KCNJ1: variants seen among roughly 807,000 people sequenced by gnomAD.
The protein encoded by KCNJ1 is potassium inwardly rectifying channel subfamily J member 1.
A neutral mutation model predicts 21.9 loss-of-function variants in KCNJ1; 24 were observed. The ratio of observed to expected loss-of-function variants is 1.10; its 90% confidence interval spans 0.79 to 1.54. The LOEUF is 1.54. Among genes scored for constraint, KCNJ1 ranks in the 40% most tolerant of loss-of-function variants. The probability of loss-of-function intolerance (pLI) is 0.00; values close to 1 mark genes in which losing one functional copy is unlikely to be tolerated. For missense variants in KCNJ1, 457 were observed against 455.4 expected, an observed-to-expected ratio of 1.00 and a Z score of -0.03; for synonymous variants, 152 against 160.9, an observed-to-expected ratio of 0.94 and a Z score of 0.42.
intron 1 of KCNJ1, among the ~76,000 whole-genome samples, chr11:128,859,424 T>C (rs957819228): frequency 6.6e-6 from 1 of 152,014 alleles, no homozygotes; most frequent in African/African-American, 2.4e-5. Context: ...GGCTAGTGTA[T>C]TGATTGTAGA....
chr11:128,843,325 C>G (rs749252090), intron 2 of KCNJ1, among the ~76,000 whole-genome samples: 32 of 152,128 alleles, frequency 2.1e-4, no homozygotes, highest in Non-Finnish European at 2.6e-4. Context: ...ATAATATGCT[C>G]AGTTTTTAGG....
At chr11:128,849,625 G>A (rs743619) in intron 2 of KCNJ1, among the ~76,000 whole-genome samples, 24,961 of 152,170 alleles carry the variant, frequency 0.16, 2,328 homozygotes, top group East Asian at 0.37. Context: ...GCAGAGCCAG[G>A]CAGAGTTTAG....
At chr11:128,842,464 C>T in intron 2 of KCNJ1, 1 of 1,613,296 alleles carries the variant, frequency 6.2e-7, no homozygotes, top group Admixed American at 1.7e-5. Flanking sequence ...TCTTTCTATG[C>T]AGACTGATTT....
intron 1 of KCNJ1, chr11:128,866,461 C>A: frequency 1.8e-6 from 1 of 568,836 alleles, no homozygotes; most frequent in Non-Finnish European, 2.2e-6. Context: ...AAGACCAACT[C>A]CTTTTAAGCG....
chr11:128,856,868 G>T (rs566571989), intron 1 of KCNJ1, among the ~76,000 whole-genome samples: 1 of 151,944 alleles, frequency 6.6e-6, no homozygotes, highest in Non-Finnish European at 1.5e-5. Flanking sequence ...TACAAAACTC[G>T]CCTGCTCCTT....
chr11:128,853,115 T>C (rs1431048048), intron 1 of KCNJ1, among the ~76,000 whole-genome samples: 1 of 152,246 alleles, frequency 6.6e-6, no homozygotes, highest in African/African-American at 2.4e-5. Context: ...TTCCTTAACC[T>C]CTCTGAGCTG....
chr11:128,848,870 C>T (rs1943430776), intron 2 of KCNJ1, among the ~76,000 whole-genome samples: 1 of 152,162 alleles, frequency 6.6e-6, no homozygotes, highest in African/African-American at 2.4e-5. Flanking sequence ...AAGTGCAAGG[C>T]ACAGATGAAT....
intron 1 of KCNJ1, among the ~76,000 whole-genome samples, chr11:128,856,315 C>G (rs1012516149): frequency 1.4e-4 from 21 of 152,216 alleles, no homozygotes; most frequent in African/African-American, 4.8e-4. Flanking sequence ...GTTAGCACGA[C>G]CAGCCTTCCA....
chr11:128,842,537 A>C (rs1591407407), intron 2 of KCNJ1: 1 of 1,557,398 alleles, frequency 6.4e-7, no homozygotes, highest in East Asian at 2.3e-5. Flanking sequence ...ATTTGTGTAA[A>C]CTTGGAAACA....
At chr11:128,857,406 C>G (rs189510186) in intron 1 of KCNJ1, among the ~76,000 whole-genome samples, 79 of 152,306 alleles carry the variant, frequency 5.2e-4, no homozygotes, top group Non-Finnish European at 8.5e-4. Flanking sequence ...AACACACCCT[C>G]CAGGACAGCA....
intron 2 of KCNJ1, among the ~76,000 whole-genome samples, chr11:128,849,347 G>T (rs749695438): frequency 6.6e-6 from 1 of 152,222 alleles, no homozygotes; most frequent in Non-Finnish European, 1.5e-5. Context: ...CTTACTCTGC[G>T]CCAGGAATGG....
At chr11:128,849,674 G>A (rs2135949440) in intron 2 of KCNJ1, among the ~76,000 whole-genome samples, 1 of 152,360 alleles carries the variant, frequency 6.6e-6, no homozygotes, top group Non-Finnish European at 1.5e-5. Context: ...AAGCAGCCAT[G>A]AGAGCAGCTG....
intron 2 of KCNJ1, among the ~76,000 whole-genome samples, chr11:128,848,431 ATCC>A (rs909640247): frequency 2.6e-5 from 4 of 151,918 alleles, no homozygotes; most frequent in Non-Finnish European, 5.9e-5. Flanking sequence ...GCCTCAAGCA[ATCC>A]TCCTCCCTCA....
intron 1 of KCNJ1, among the ~76,000 whole-genome samples, chr11:128,856,174 G>A (rs1482721502): frequency 3.3e-5 from 5 of 152,142 alleles, no homozygotes; most frequent in African/African-American, 9.7e-5. Flanking sequence ...CTGTTTATCC[G>A]GCTGCTAGGG....
At chr11:128,863,709 T>C (rs1197137744) in intron 1 of KCNJ1, among the ~76,000 whole-genome samples, 1 of 152,196 alleles carries the variant, frequency 6.6e-6, no homozygotes, top group Non-Finnish European at 1.5e-5. Context: ...GGTTTTATAT[T>C]TGACAGCTAA....
At chr11:128,846,121 A>G (rs1383005891) in intron 2 of KCNJ1, among the ~76,000 whole-genome samples, 2 of 152,156 alleles carry the variant, frequency 1.3e-5, no homozygotes, top group East Asian at 1.9e-4. Context: ...GGTAACAGCT[A>G]GGGGCAGCAT....
intron 1 of KCNJ1, among the ~76,000 whole-genome samples, chr11:128,861,613 A>G (rs1238274100): frequency 6.6e-6 from 1 of 152,168 alleles, no homozygotes; most frequent in African/African-American, 2.4e-5. Flanking sequence ...GAGCCACTGC[A>G]GAGCGGGATA....
intron 1 of KCNJ1, among the ~76,000 whole-genome samples, chr11:128,853,840 G>T (rs1470992701): frequency 6.6e-6 from 1 of 152,176 alleles, no homozygotes; most frequent in Admixed American, 6.5e-5. Flanking sequence ...GCTCCTGAAG[G>T]CACCACCATC....
At chr11:128,840,370 C>G (rs1943263538) in intron 2 of KCNJ1, 106 bp from the exon 3 acceptor site, 2 of 1,086,432 alleles carry the variant, frequency 1.8e-6, no homozygotes. Flanking sequence ...TCAAAATTAT[C>G]TGGGTTACTA....
Sources: gnomAD v4.1 joint callset for allele counts (sites outside exome capture counted in the v4.1 genomes callset) on GRCh38, gnomAD v4.1.1 for gene constraint, MANE v1.5 for transcripts, NCBI Gene and HGNC (gene_info 2026-07-23, HGNC 2026-07-21) for gene names.